CNTNAP2: variants seen among roughly 807,000 people sequenced by gnomAD.
CNTNAP2 encodes the protein contactin-associated protein-like 2.
In CNTNAP2, 98 loss-of-function variants were observed where a neutral mutation model predicts 155.2. That is an observed-to-expected ratio of 0.63 (90% CI 0.54 to 0.75). CNTNAP2 has a LOEUF of 0.75. Among genes scored for constraint, CNTNAP2 ranks in the 30% least tolerant of loss-of-function variants. The pLI is 0.00. For missense variants in CNTNAP2, 1,727 were observed against 1,688.1 expected (o/e 1.02, Z -0.40); for synonymous variants, 651 against 631.2 (o/e 1.03, Z -0.47).
At chr7:147,455,883 T>G (rs1187427870) in intron 10 of CNTNAP2, among the ~76,000 whole-genome samples, 1 of 152,096 alleles carries the variant, frequency 6.6e-6, no homozygotes, top group African/African-American at 2.4e-5. Context: ...AGTCTAATAG[T>G]ATAATTCACA....
chr7:146,566,589 G>T (rs7800290), intron 1 of CNTNAP2, among the ~76,000 whole-genome samples: 1 of 151,858 alleles, frequency 6.6e-6, no homozygotes, highest in African/African-American at 2.4e-5. Context: ...CCCAGCTACT[G>T]GGGAGGCTGA....
intron 1 of CNTNAP2, among the ~76,000 whole-genome samples, chr7:146,642,956 T>G (rs1002150619): frequency 6.6e-6 from 1 of 150,792 alleles, no homozygotes; most frequent in African/African-American, 2.5e-5. Flanking sequence ...ATAAATGTCT[T>G]CTTTTGAGAA....
Position 147,948,636 on chromosome 7 carries a change from C to T in CNTNAP2, c.2256-29226C>T, listed in dbSNP as rs1800862560. Among the ~76,000 whole-genome samples the T allele has an allele frequency of 2.0e-5, 3 of 149,236 alleles. No homozygotes were observed. The South Asian group carries it at 6.4e-4, about 32-fold the overall frequency. The stretch of plus-strand genomic sequence containing the variant: ...ATATATACATATATATTTACACACA[C>T]ACACACATATACACACACACACATA... On this transcript the variant is annotated intron_variant, in intron 14 of 23. Coordinates refer to ENST00000361727, the MANE Select transcript of CNTNAP2 (RefSeq NM_014141.6).
chr7:147,595,326 A>G (rs1279710218), intron 12 of CNTNAP2, among the ~76,000 whole-genome samples: 1 of 152,146 alleles, frequency 6.6e-6, no homozygotes, highest in Admixed American at 6.5e-5. Context: ...TAACCTTAGC[A>G]TTCAAATGAT....
chr7:147,446,175 G>C (rs1797735688), intron 10 of CNTNAP2, among the ~76,000 whole-genome samples: 1 of 138,552 alleles, frequency 7.2e-6, no homozygotes, highest in Admixed American at 7.7e-5. Flanking sequence ...CTCTCTTGCT[G>C]TTGCTCTCAC....
intron 5 of CNTNAP2, 103 bp downstream of exon 5, chr7:147,108,453 C>A: frequency 1.0e-6 from 1 of 1,003,952 alleles, no homozygotes; most frequent in Non-Finnish European, 1.4e-6. Context: ...AAAAAGAGCT[C>A]ATGTTATATT....
At chr7:147,201,039 C>T (rs1185143431) in intron 8 of CNTNAP2, among the ~76,000 whole-genome samples, 2 of 152,048 alleles carry the variant, frequency 1.3e-5, no homozygotes, top group Non-Finnish European at 2.9e-5. Context: ...GCTTAATCAC[C>T]GATTATCCAC....
chr7:147,687,043 T>C (rs554624342), intron 13 of CNTNAP2, among the ~76,000 whole-genome samples: 2 of 152,160 alleles, frequency 1.3e-5, no homozygotes, highest in South Asian at 4.1e-4. Context: ...AAATAAAAGA[T>C]AAATATTTAA....
intron 13 of CNTNAP2, among the ~76,000 whole-genome samples, chr7:147,883,491 C>G (rs1359507334): frequency 6.6e-6 from 1 of 151,926 alleles, no homozygotes; most frequent in African/African-American, 2.4e-5. Flanking sequence ...AAAGATAAGC[C>G]CAATTATGAA....
chr7:148,319,296 C>G (rs1267206900), intron 21 of CNTNAP2, among the ~76,000 whole-genome samples: 3 of 152,120 alleles, frequency 2.0e-5, no homozygotes, highest in Non-Finnish European at 4.4e-5. Flanking sequence ...ACTAACATCT[C>G]ATAGAAAAGA....
chr7:146,245,032 T>C (rs962365694), intron 1 of CNTNAP2, among the ~76,000 whole-genome samples: 1 of 152,036 alleles, frequency 6.6e-6, no homozygotes, highest in Admixed American at 6.6e-5. Context: ...ATTTCCATGA[T>C]GGAAAGGAAA....
chr7:146,160,297 G>A (rs1390300979), intron 1 of CNTNAP2, among the ~76,000 whole-genome samples: 1 of 152,056 alleles, frequency 6.6e-6, no homozygotes, highest in East Asian at 1.9e-4. Context: ...AAAAGCACGA[G>A]CAAACACATT....
intron 10 of CNTNAP2, among the ~76,000 whole-genome samples, chr7:147,406,841 C>T (rs2116478653): frequency 6.6e-6 from 1 of 152,274 alleles, no homozygotes; most frequent in South Asian, 2.1e-4. Flanking sequence ...AATCAGTAAA[C>T]AGGTTGATTT....
At chr7:148,189,184 C>CT (rs941360441) in intron 18 of CNTNAP2, among the ~76,000 whole-genome samples, 6 of 152,094 alleles carry the variant, frequency 3.9e-5, no homozygotes, top group Admixed American at 2.0e-4. Context: ...CAATGTTTTT[C>CT]TTTTTTTTAT....
At chr7:148,194,784 C>A (rs1464260209) in intron 18 of CNTNAP2, among the ~76,000 whole-genome samples, 3 of 152,208 alleles carry the variant, frequency 2.0e-5, no homozygotes, top group Non-Finnish European at 4.4e-5. Flanking sequence ...CCTTCCTTCA[C>A]CTTTTTGTTC....
chr7:146,562,490 C>T (rs1282112003), intron 1 of CNTNAP2, among the ~76,000 whole-genome samples: 1 of 152,070 alleles, frequency 6.6e-6, no homozygotes, highest in Non-Finnish European at 1.5e-5. Flanking sequence ...CAAGGAACAA[C>T]ATGACGCATT....
intron 1 of CNTNAP2, among the ~76,000 whole-genome samples, chr7:146,497,851 C>A (rs1797242107): frequency 6.8e-6 from 1 of 147,874 alleles, no homozygotes; most frequent in Non-Finnish European, 1.5e-5. Context: ...TTTAAGTAAT[C>A]ATATATATGG....
chr7:147,580,233 A>G (rs1348546183), intron 12 of CNTNAP2, among the ~76,000 whole-genome samples: 3 of 152,168 alleles, frequency 2.0e-5, no homozygotes, highest in African/African-American at 7.2e-5. Flanking sequence ...AAAGAAGACA[A>G]GCTGTCCCAA....
chr7:147,250,904 A>G (rs1385987709), intron 8 of CNTNAP2, among the ~76,000 whole-genome samples: 1 of 152,122 alleles, frequency 6.6e-6, no homozygotes, highest in Non-Finnish European at 1.5e-5. Flanking sequence ...ACTACTGGCT[A>G]TCTCATGTTT....
Sources: allele counts gnomAD v4.1 joint callset (sites outside exome capture counted in the v4.1 genomes callset), GRCh38; gene constraint gnomAD v4.1.1; transcripts MANE v1.5; gene names NCBI Gene and HGNC (gene_info 2026-07-23, HGNC 2026-07-21).